The following DOCK5 variants were observed in gnomAD, a reference collection of about 807,000 sequenced individuals.
The protein encoded by DOCK5 is dedicator of cytokinesis protein 5.
A neutral mutation model predicts 251.8 loss-of-function variants in DOCK5; 142 were observed. The ratio of observed to expected loss-of-function variants is 0.56; its 90% CI spans 0.49 to 0.65. The LOEUF is 0.65. Among genes scored for constraint, DOCK5 ranks in the 30% least tolerant of loss-of-function variants. The probability of loss-of-function intolerance (pLI) is 0.00; values close to 1 mark genes in which losing one functional copy is unlikely to be tolerated. For missense variants in DOCK5, 2,111 were observed against 2,312.3 expected (o/e 0.91, Z 1.79); for synonymous variants, 842 against 835.5 (o/e 1.01, Z -0.13).
intron 1 of DOCK5, among the ~76,000 whole-genome samples, chr8:25,229,279 T>C (rs1012715989): frequency 6.6e-6 from 1 of 152,070 alleles, no homozygotes; most frequent in Non-Finnish European, 1.5e-5. Flanking sequence ...GTTAGGAGTT[T>C]GAGATTAGCC....
At chr8:25,260,297 A>G (rs531333277) in intron 2 of DOCK5, among the ~76,000 whole-genome samples, 10 of 152,198 alleles carry the variant, frequency 6.6e-5, no homozygotes, top group African/African-American at 1.9e-4. Context: ...CAGACCAGCA[A>G]CACTTAAAGG....
intron 3 of DOCK5, among the ~76,000 whole-genome samples, chr8:25,270,460 C>T (rs946540136): frequency 3.3e-5 from 5 of 152,034 alleles, no homozygotes; most frequent in African/African-American, 1.2e-4. Context: ...TTCAAAGCAC[C>T]ATTAGAGTTA....
chr8:25,348,183 T>C (rs1800403901), intron 26 of DOCK5, among the ~76,000 whole-genome samples: 2 of 152,214 alleles, frequency 1.3e-5, no homozygotes, highest in Non-Finnish European at 2.9e-5. Flanking sequence ...ATTACTGATA[T>C]TTGTTCTTCC....
chr8:25,400,411 T>C (rs767233742), intron 46 of DOCK5, among the ~76,000 whole-genome samples: 13 of 143,004 alleles, frequency 9.1e-5, no homozygotes, highest in Non-Finnish European at 1.6e-4. Context: ...GGCAGGAGAA[T>C]CATTTGAACT....
intron 4 of DOCK5, among the ~76,000 whole-genome samples, chr8:25,278,330 C>T (rs550884330): frequency 6.6e-6 from 1 of 152,158 alleles, no homozygotes; most frequent in East Asian, 1.9e-4. Flanking sequence ...CTGGGGAGGT[C>T]GAGGCTGGGC....
chr8:25,321,296 C>T (rs1209920335), intron 16 of DOCK5, among the ~76,000 whole-genome samples: 1 of 152,230 alleles, frequency 6.6e-6, no homozygotes, highest in Non-Finnish European at 1.5e-5. Context: ...TTCTCAAAGA[C>T]AGCAGTCCTC....
intron 34 of DOCK5, among the ~76,000 whole-genome samples, chr8:25,371,250 C>T (rs930399529): frequency 1.3e-5 from 2 of 152,098 alleles, no homozygotes; most frequent in Non-Finnish European, 2.9e-5. Flanking sequence ...TGGGGTTTCA[C>T]GATGTTGGCC....
At chr8:25,243,859 T>C in intron 2 of DOCK5, 102 bp downstream of exon 2, 2 of 1,104,748 alleles carry the variant, frequency 1.8e-6, no homozygotes, top group South Asian at 1.4e-5. Context: ...CTTGACTTCC[T>C]GAAACAGTGC....
intron 40 of DOCK5, among the ~76,000 whole-genome samples, chr8:25,383,105 C>A (rs1801100400): frequency 6.6e-6 from 1 of 152,092 alleles, no homozygotes; most frequent in South Asian, 2.1e-4. Flanking sequence ...ATGTTTCTAG[C>A]CAGAGCTAAT....
intron 9 of DOCK5, among the ~76,000 whole-genome samples, chr8:25,300,946 TC>T (rs1804745580): frequency 6.6e-6 from 1 of 152,146 alleles, no homozygotes; most frequent in Non-Finnish European, 1.5e-5. Context: ...ACGCCTGTAA[TC>T]CCAGGACTTT....
intron 18 of DOCK5, among the ~76,000 whole-genome samples, chr8:25,327,501 A>T (rs1805588329): frequency 6.6e-6 from 1 of 152,246 alleles, no homozygotes; most frequent in Admixed American, 6.5e-5. Context: ...TTAACTAGTA[A>T]TGAAAAGCAA....
In DOCK5 at chr8:25,400,980, C is replaced by T. The variant is rs1164986859; in HGVS notation, c.4840C>T (p.Gln1614Ter). The change falls in exon 47 of 52, where the codon CAG (glutamine) becomes TAG (stop). Residue 1614 changes from glutamine (Q) to a stop codon, truncating the protein, a stop_gained. Transcript: ENST00000276440. LOFTEE classifies it high-confidence loss of function. ...IRIHGEKLTE[Q>*]LKPLHERLSS... ...CATCCATGGGGAGAAACTCACAGAGCAGCTGAAGCCGCTGCATGAGCGGTT... is the reference window on the plus strand; with the variant it reads ...CATCCATGGGGAGAAACTCACAGAGTAGCTGAAGCCGCTGCATGAGCGGTT... 1.2e-6 allele frequency: 2 copies of T among 1,614,044 alleles called. No homozygotes were observed. The highest frequency in any genetic ancestry group is 1.7e-6 in the Non-Finnish European group (2 of 1,179,894).
intron 8 of DOCK5, among the ~76,000 whole-genome samples, chr8:25,299,915 T>TA (rs1419187055): frequency 6.6e-6 from 1 of 152,226 alleles, no homozygotes; most frequent in African/African-American, 2.4e-5. Flanking sequence ...ATGACTGTTA[T>TA]AAAATTAAAT....
intron 2 of DOCK5, among the ~76,000 whole-genome samples, chr8:25,253,389 G>A (rs987387081): frequency 6.6e-6 from 1 of 152,132 alleles, no homozygotes; most frequent in Admixed American, 6.5e-5. Flanking sequence ...ATCTTGGTTG[G>A]ATCAAGTGGT....
chr8:25,316,026 A>G (rs1805240493), intron 13 of DOCK5, among the ~76,000 whole-genome samples: 1 of 152,150 alleles, frequency 6.6e-6, no homozygotes, highest in Non-Finnish European at 1.5e-5. Flanking sequence ...ATTTATTCCA[A>G]GTTTCTTTTA....
Position 25,373,606 on chromosome 8 carries a change from T to A in DOCK5, c.3685-12T>A. On this transcript the variant is annotated splice_polypyrimidine_tract_variant and intron_variant, in intron 35 of 51. Transcript: ENST00000276440. ...TATGTTGGGATTCTGTGATCCTTTTTTTTCCTGGCAGAACTTTTATAAAGA... is the reference window on the plus strand; with the variant it reads ...TATGTTGGGATTCTGTGATCCTTTTATTTCCTGGCAGAACTTTTATAAAGA... 6.3e-7 allele frequency: 1 copy of A among 1,589,472 alleles called. No homozygotes were observed. The highest frequency in any genetic ancestry group is 1.7e-4 in the Middle Eastern group (1 of 6,038).
chr8:25,399,780 C>G, intron 45 of DOCK5, 131 bp from the exon 46 acceptor site: 1 of 663,228 alleles, frequency 1.5e-6, no homozygotes. Context: ...TAAGAGCTGT[C>G]TGAGGAAAGG....
chr8:25,335,538 G>T (rs1387706184), intron 21 of DOCK5, among the ~76,000 whole-genome samples: 1 of 151,308 alleles, frequency 6.6e-6, no homozygotes. Context: ...ATATTATTAT[G>T]TATGACTATT....
At chr8:25,300,208 A>T (rs1804727136) in intron 8 of DOCK5, among the ~76,000 whole-genome samples, 1 of 152,230 alleles carries the variant, frequency 6.6e-6, no homozygotes, top group Admixed American at 6.5e-5. Flanking sequence ...GCCCTGCCTA[A>T]AATTAAATTA....
Sources: gnomAD v4.1 joint callset for allele counts (sites outside exome capture counted in the v4.1 genomes callset) on GRCh38, gnomAD v4.1.1 for gene constraint, MANE v1.5 for transcripts, NCBI Gene and HGNC (gene_info 2026-07-23, HGNC 2026-07-21) for gene names.